The following NEDD4 variants were observed in gnomAD, a reference collection of about 807,000 sequenced individuals.
The protein encoded by NEDD4 is NEDD4 E3 ubiquitin protein ligase.
Under a neutral mutation model 144.9 loss-of-function variants are expected in NEDD4, and 99 were observed. The ratio of observed to expected loss-of-function variants is 0.68; its 90% CI spans 0.58 to 0.81. The LOEUF (loss-of-function observed/expected upper bound fraction) is 0.81. Among genes scored for constraint, NEDD4 ranks in the 30% least tolerant of loss-of-function variants. The pLI, the probability that NEDD4 is intolerant of heterozygous loss-of-function variation, is 0.00. For missense variants in NEDD4, 985 were observed against 1,065.9 expected, an observed-to-expected ratio of 0.92 and a Z score of 1.06; for synonymous variants, 318 against 350.6, an observed-to-expected ratio of 0.91 and a Z score of 1.04.
chr15:55,934,279 T>A (rs1254259488), intron 4 of NEDD4, among the ~76,000 whole-genome samples: 1 of 152,254 alleles, frequency 6.6e-6, no homozygotes, highest in Non-Finnish European at 1.5e-5. Context: ...TCATCCAAGT[T>A]GTAACTTGTA....
Position 55,863,094 on chromosome 15 carries a change from G to A in NEDD4, c.508-15C>T. On this transcript the variant is annotated splice_polypyrimidine_tract_variant and intron_variant, in intron 8 of 28. Coordinates refer to ENST00000435532, the MANE Select transcript of NEDD4 (RefSeq NM_006154.4). ...ACCCAGCCAGGCTGAAAAACAGGAT[G>A]GCAGCAATTAAGTTTACGCATGATT... The A allele has an allele frequency of 1.3e-6, 2 of 1,544,538 alleles. No homozygotes were observed. The highest frequency in any genetic ancestry group is 1.8e-6 in the Non-Finnish European group (2 of 1,137,344).
intron 11 of NEDD4, among the ~76,000 whole-genome samples, chr15:55,858,035 T>G (rs2034263843): frequency 6.6e-6 from 1 of 152,206 alleles, no homozygotes; most frequent in Non-Finnish European, 1.5e-5. Flanking sequence ...AGTCCTCGAG[T>G]AAATTATACA....
intron 1 of NEDD4, among the ~76,000 whole-genome samples, chr15:55,983,377 C>T (rs1279641313): frequency 1.3e-5 from 2 of 152,186 alleles, no homozygotes; most frequent in Non-Finnish European, 2.9e-5. Flanking sequence ...GCATGCCAGG[C>T]TTGCCTGATC....
rs1197544492 is a variant in NEDD4, at chr15:55,894,136, C to G, written c.292-20128G>C. On this transcript the variant is annotated intron_variant, in intron 5 of 28. Coordinates refer to ENST00000435532, the MANE Select transcript of NEDD4 (RefSeq NM_006154.4). ...TGTCTTAAGTTTGTGATTTGCTCGG[C>G]CTCTAGCCTTTCTGGTAGATCTGAC... is the stretch of plus-strand genomic sequence containing the variant. 3.3e-5 allele frequency among the ~76,000 whole-genome samples: 5 copies of G among 152,186 alleles called. No individual in the cohort carries two copies. The East Asian group carries it at 9.7e-4, about 29-fold the overall frequency.
chr15:55,881,726 T>G (rs773661694), intron 5 of NEDD4, among the ~76,000 whole-genome samples: 1 of 152,164 alleles, frequency 6.6e-6, no homozygotes, highest in Non-Finnish European at 1.5e-5. Flanking sequence ...ATCTGTATGT[T>G]TGATGATTTG....
intron 21 of NEDD4, among the ~76,000 whole-genome samples, chr15:55,840,030 ATATATATATAT>A (rs1566901273): frequency 8.0e-5 from 7 of 87,532 alleles, no homozygotes; most frequent in Non-Finnish European, 1.2e-4. Flanking sequence ...ATATATATAT[ATATATATATAT>A]AACATTCATC....
At chr15:55,916,887 C>G (rs1165550013) in intron 5 of NEDD4, 2 of 1,531,992 alleles carry the variant, frequency 1.3e-6, no homozygotes, top group Admixed American at 4.2e-5. Flanking sequence ...GATCTCTGTC[C>G]GTAGACAGGC....
chr15:55,933,654 T>C lies in NEDD4; in HGVS notation c.238-8955A>G, dbSNP rs540994842. 2.0e-5 allele frequency among the ~76,000 whole-genome samples: 3 copies of C among 152,062 alleles called. No individual in the cohort carries two copies. The South Asian group carries it at 6.3e-4, about 32-fold the overall frequency. ...ACATATGTAACAAACCTGCACGTTG[T>C]GTACGTGTACCCTAGAACTTAAAGT... On this transcript the variant is annotated intron_variant, in intron 4 of 28. Transcript: ENST00000435532.
chr15:55,884,539 G>A (rs2035318867), intron 5 of NEDD4, among the ~76,000 whole-genome samples: 1 of 152,028 alleles, frequency 6.6e-6, no homozygotes, highest in Non-Finnish European at 1.5e-5. Context: ...GAAACTCAAT[G>A]AAATTCAAGA....
At chr15:55,925,521 T>C (rs1260464752) in intron 4 of NEDD4, among the ~76,000 whole-genome samples, 1 of 152,206 alleles carries the variant, frequency 6.6e-6, no homozygotes, top group African/African-American at 2.4e-5. Flanking sequence ...TTAAGCTTTG[T>C]AGCACATGAA....
intron 14 of NEDD4, among the ~76,000 whole-genome samples, chr15:55,849,813 G>A (rs1346531799): frequency 2.8e-5 from 4 of 142,906 alleles, no homozygotes; most frequent in South Asian, 2.2e-4. Context: ...TTTTTTTTGA[G>A]ATGGAGTCTC....
chr15:55,942,761 C>T (rs1292624236), intron 4 of NEDD4, among the ~76,000 whole-genome samples: 3 of 152,168 alleles, frequency 2.0e-5, no homozygotes, highest in African/African-American at 7.2e-5. Context: ...ATACAGATAC[C>T]TGAAAATGTG....
intron 4 of NEDD4, among the ~76,000 whole-genome samples, chr15:55,932,274 C>A (rs1387390204): frequency 6.6e-6 from 1 of 152,156 alleles, no homozygotes; most frequent in Non-Finnish European, 1.5e-5. Context: ...AACTATACTA[C>A]AAGGATACAG....
rs568026891 is a variant in NEDD4, at chr15:55,955,683, CT to C, written c.120-4095del. Among the ~76,000 whole-genome samples the C allele has an allele frequency of 5.7e-4, 85 of 148,488 alleles. 3 individuals are homozygous for C. In the South Asian group the frequency reaches 0.017, roughly 30 times the overall value. On this transcript the variant is annotated intron_variant, in intron 2 of 28. Coordinates refer to ENST00000435532, the MANE Select transcript of NEDD4 (RefSeq NM_006154.4). The stretch of plus-strand genomic sequence containing the variant: ...ATAAACACTGTATGTATATACATTT[CT>C]TTTTTTTTTCTTTTCATGTGAGATT...
intron 1 of NEDD4, among the ~76,000 whole-genome samples, chr15:55,981,165 C>T (rs1394894788): frequency 6.6e-6 from 1 of 151,818 alleles, no homozygotes; most frequent in African/African-American, 2.4e-5. Flanking sequence ...GCCTCAGCCT[C>T]CTGAGTAGCT....
intron 2 of NEDD4, among the ~76,000 whole-genome samples, chr15:55,963,127 T>A (rs1346558264): frequency 7.1e-6 from 1 of 141,582 alleles, no homozygotes; most frequent in Non-Finnish European, 1.5e-5. Context: ...TTTCTGGCAC[T>A]CTTTTTTATT....
intron 5 of NEDD4, among the ~76,000 whole-genome samples, chr15:55,900,135 A>T (rs1441104715): frequency 6.6e-6 from 1 of 151,654 alleles, no homozygotes; most frequent in Non-Finnish European, 1.5e-5. Context: ...CTTTTTAAGG[A>T]TGCTTCTGGA....
intron 4 of NEDD4, among the ~76,000 whole-genome samples, chr15:55,925,053 GA>G (rs2036637553): frequency 6.6e-6 from 1 of 152,220 alleles, no homozygotes; most frequent in African/African-American, 2.4e-5. Context: ...GGGCGACATA[GA>G]GAGACTCCAT....
In NEDD4 at chr15:55,835,401, C is replaced by G. The variant is rs1022117250; in HGVS notation, c.2263-1115G>C. ...CTGCCTCTGTTAATTTCCTTATTTCCTTTGCAGTCTCCTGTTCTGTTTTTT... is the reference window on the plus strand; with the variant it reads ...CTGCCTCTGTTAATTTCCTTATTTCGTTTGCAGTCTCCTGTTCTGTTTTTT... On this transcript the variant is annotated intron_variant, in intron 24 of 28. Coordinates refer to ENST00000435532, the MANE Select transcript of NEDD4 (RefSeq NM_006154.4). 1.2e-4 allele frequency among the ~76,000 whole-genome samples: 17 copies of G among 146,506 alleles called. No individual in the cohort carries two copies. In the East Asian group the frequency reaches 1.8e-3, roughly 16 times the overall value.
Sources: allele counts gnomAD v4.1 joint callset (sites outside exome capture counted in the v4.1 genomes callset), GRCh38; gene constraint gnomAD v4.1.1; transcripts MANE v1.5; gene names NCBI Gene and HGNC (gene_info 2026-07-23, HGNC 2026-07-21).